SKIC3: variants seen among roughly 807,000 people sequenced by gnomAD.
SKIC3 encodes the protein superkiller complex protein 3.
the SKIC3 span, among the ~76,000 whole-genome samples, chr5:95,487,554 T>C: frequency 1.3e-5 from 2 of 152,246 alleles, no homozygotes; most frequent in East Asian, 3.9e-4. Context: ...CACTAACAAG[T>C]ACATCCTAAC....
the SKIC3 span, among the ~76,000 whole-genome samples, chr5:95,553,395 T>C: frequency 6.6e-6 from 1 of 152,208 alleles, no homozygotes; most frequent in African/African-American, 2.4e-5. Flanking sequence ...GTCACTATGG[T>C]AGAAAATACG....
the SKIC3 span, among the ~76,000 whole-genome samples, chr5:95,499,543 C>G: frequency 7.9e-5 from 12 of 152,078 alleles, no homozygotes; most frequent in Non-Finnish European, 1.6e-4. Flanking sequence ...AACTAATACA[C>G]TAAGTTTTAG....
the SKIC3 span, among the ~76,000 whole-genome samples, chr5:95,540,525 T>C: frequency 6.6e-6 from 1 of 151,890 alleles, no homozygotes; most frequent in Non-Finnish European, 1.5e-5. Flanking sequence ...GAACACACAC[T>C]TCACCAAAGA....
At chr5:95,534,893 T>C in the SKIC3 span, among the ~76,000 whole-genome samples, 1 of 152,198 alleles carries the variant, frequency 6.6e-6, no homozygotes, top group Non-Finnish European at 1.5e-5. Context: ...CTGATGGGCA[T>C]TTCTCATTAA....
At chr5:95,524,690 G>A in the SKIC3 span, 1 of 1,532,396 alleles carries the variant, frequency 6.5e-7, no homozygotes. Flanking sequence ...CAAAGTTTGA[G>A]TGATTCAGAG....
the SKIC3 span, among the ~76,000 whole-genome samples, chr5:95,552,550 A>C: frequency 3.3e-5 from 5 of 152,148 alleles, no homozygotes; most frequent in Admixed American, 6.6e-5. Flanking sequence ...GAAGTGTCTC[A>C]ATCAGTAGAT....
At chr5:95,546,717 C>A in the SKIC3 span, among the ~76,000 whole-genome samples, 1 of 152,106 alleles carries the variant, frequency 6.6e-6, no homozygotes, top group Non-Finnish European at 1.5e-5. Flanking sequence ...AATCTTGGTC[C>A]TCTCATCCAC....
chr5:95,496,918 A>C, the SKIC3 span, among the ~76,000 whole-genome samples: 1 of 152,214 alleles, frequency 6.6e-6, no homozygotes, highest in Non-Finnish European at 1.5e-5. Context: ...ACTCCTGAAA[A>C]TATCTGGATG....
the SKIC3 span, among the ~76,000 whole-genome samples, chr5:95,514,227 C>T: frequency 2.0e-5 from 3 of 152,032 alleles, no homozygotes; most frequent in East Asian, 1.9e-4. Context: ...GCAAGAACTT[C>T]GAGGCCACTC....
At chr5:95,469,100 T>C in the SKIC3 span, among the ~76,000 whole-genome samples, 2 of 152,304 alleles carry the variant, frequency 1.3e-5, no homozygotes, top group African/African-American at 4.8e-5. Context: ...TCCAGTGATG[T>C]TTGCTCCTCA....
At chr5:95,500,079 C>T in the SKIC3 span, among the ~76,000 whole-genome samples, 3 of 151,680 alleles carry the variant, frequency 2.0e-5, no homozygotes, top group East Asian at 1.9e-4. Flanking sequence ...AGATGTTGTA[C>T]CCATAAATTC....
the SKIC3 span, among the ~76,000 whole-genome samples, chr5:95,554,593 T>C: frequency 1.3e-5 from 2 of 152,150 alleles, no homozygotes; most frequent in Non-Finnish European, 2.9e-5. Flanking sequence ...GCCCCGCTCC[T>C]CGCCCCATGG....
chr5:95,469,932 A>G, the SKIC3 span: 1 of 1,611,630 alleles, frequency 6.2e-7, no homozygotes, highest in Non-Finnish European at 8.5e-7. Flanking sequence ...TAAGACAAAT[A>G]TTAACTCAAA....
At chr5:95,523,815 T>C in the SKIC3 span, 1 of 1,613,448 alleles carries the variant, frequency 6.2e-7, no homozygotes, top group African/African-American at 1.3e-5. Flanking sequence ...TTTGCCCATA[T>C]ATGTATCCAG....
the SKIC3 span, among the ~76,000 whole-genome samples, chr5:95,503,430 T>A: frequency 4.6e-5 from 7 of 152,242 alleles, no homozygotes; most frequent in African/African-American, 1.7e-4. Flanking sequence ...TCATATAACA[T>A]ATTTGGAGAA....
chr5:95,542,857 A>G, the SKIC3 span, among the ~76,000 whole-genome samples: 1 of 152,194 alleles, frequency 6.6e-6, no homozygotes, highest in Non-Finnish European at 1.5e-5. Flanking sequence ...AACATTAAAA[A>G]ACATTTCTTT....
At chr5:95,548,930 T>C in the SKIC3 span, among the ~76,000 whole-genome samples, 2 of 152,110 alleles carry the variant, frequency 1.3e-5, no homozygotes, top group Admixed American at 6.5e-5. Context: ...AGGGTATGTA[T>C]ACAAACAAGG....
chr5:95,490,057 C>A, the SKIC3 span, among the ~76,000 whole-genome samples: 1 of 152,084 alleles, frequency 6.6e-6, no homozygotes, highest in African/African-American at 2.4e-5. Flanking sequence ...CAAAAGTAGG[C>A]TAATCTATTT....
the SKIC3 span, chr5:95,504,036 C>G: frequency 8.1e-7 from 1 of 1,228,326 alleles, no homozygotes; most frequent in South Asian, 1.2e-5. Context: ...GGGCCGGACG[C>G]GGTGGCTCAC....
Sources: allele counts gnomAD v4.1 joint callset (sites outside exome capture counted in the v4.1 genomes callset), GRCh38; gene constraint gnomAD v4.1.1; transcripts MANE v1.5; gene names NCBI Gene and HGNC (gene_info 2026-07-23, HGNC 2026-07-21).